Variants in GEMIN5 observed in about 807,000 individuals in gnomAD.
GEMIN5 encodes the protein gem nuclear organelle associated protein 5, also known as gem-associated protein 5.
A neutral mutation model predicts 176.9 loss-of-function variants in GEMIN5; 124 were observed. The ratio of observed to expected loss-of-function variants is 0.70; its 90% CI spans 0.61 to 0.81. GEMIN5 has a LOEUF of 0.81. Ranked by LOEUF, GEMIN5 falls within the 40% of genes least tolerant of loss-of-function variation. The pLI is 0.00. For synonymous variants in GEMIN5, 673 were observed against 665.2 expected, an observed-to-expected ratio of 1.01 and a Z score of -0.18; for missense variants, 1,843 against 1,814.6, an observed-to-expected ratio of 1.02 and a Z score of -0.28.
At chr5:154,927,819 G>T (rs112384346) in intron 6 of GEMIN5, among the ~76,000 whole-genome samples, 2 of 151,976 alleles carry the variant, frequency 1.3e-5, no homozygotes, top group Non-Finnish European at 2.9e-5. Context: ...AAGTGAGACC[G>T]TCCCTACAAA....
intron 3 of GEMIN5, among the ~76,000 whole-genome samples, chr5:154,932,859 C>G (rs1339953549): frequency 6.6e-6 from 1 of 152,178 alleles, no homozygotes; most frequent in African/African-American, 2.4e-5. Flanking sequence ...GCCACCACAC[C>G]CGGCCAACTC....
Position 154,937,098 on chromosome 5 carries a change from C to T in GEMIN5, c.254G>A (p.Ser85Asn). The change falls in exon 2 of 28, where the codon AGC (serine) becomes AAC (asparagine). Residue 85 changes from serine to asparagine, a missense_variant. Coordinates refer to ENST00000285873, the MANE Select transcript of GEMIN5 (RefSeq NM_015465.5). ...TATTTTCACAGTCCCATCGTCGGAG[C>T]TGGTGGCACAGAGGTTGTACTGACC... ...HPGQYNLCATSSDDGTVKIWD... is the reference protein window; with the variant it reads ...HPGQYNLCATNSDDGTVKIWD... 6.2e-7 allele frequency: 1 copy of T among 1,613,936 alleles called. No homozygotes were observed. The highest frequency in any genetic ancestry group is 8.5e-7 in the Non-Finnish European group (1 of 1,179,792).
intron 11 of GEMIN5, among the ~76,000 whole-genome samples, chr5:154,918,388 C>T (rs1305004545): frequency 6.6e-6 from 1 of 152,198 alleles, no homozygotes; most frequent in Non-Finnish European, 1.5e-5. Context: ...TTCCCTGAAT[C>T]ATTTCCCTCC....
Position 154,907,703 on chromosome 5 carries a change from AT to A in GEMIN5, c.2282del (p.Asn761MetfsTer6), listed in dbSNP as rs772366987. ...AGTTCTCCTTCATGCTTTCTTCTTCATTTCCATCAATCGATTCCAGCTTTAC... is the reference window on the plus strand; with the variant it reads ...AGTTCTCCTTCATGCTTTCTTCTTCATTCCATCAATCGATTCCAGCTTTAC... ...TPVKLESIDG[N>X]EEESMKENSG... On this transcript the variant is annotated frameshift_variant, in exon 16 of 28. Transcript: ENST00000285873. LOFTEE classifies it high-confidence loss of function. 5 of 1,614,008 alleles carry A rather than the reference AT, an allele frequency of 3.1e-6. No individual in the cohort carries two copies.
At position 154,937,012 on chromosome 5, in the gene GEMIN5, T is replaced by G; in HGVS notation, c.327+13A>C. 1 of 1,600,870 alleles carries G rather than the reference T, an allele frequency of 6.2e-7. No individual in the cohort carries two copies. Among genetic ancestry groups the G allele is most frequent in the African/African-American group, 1.3e-5 (1 of 74,668 alleles). ...AGATAAAAACGGTTTGAGAAACCAG[T>G]AAGCCATGGTACCTGATGGAGTGCA... On this transcript the variant is annotated intron_variant, in intron 2 of 27. Coordinates refer to ENST00000285873, the MANE Select transcript of GEMIN5 (RefSeq NM_015465.5).
chr5:154,902,795 G>A (rs1763491865), intron 19 of GEMIN5, 119 bp from the exon 20 acceptor site: 11 of 1,015,508 alleles, frequency 1.1e-5, no homozygotes, highest in Non-Finnish European at 1.3e-5. Flanking sequence ...GTCATTCTCT[G>A]ATGGGTGTCA....
chr5:154,887,712 A>G lies in GEMIN5; in HGVS notation c.*498T>C, dbSNP rs918424970. The G allele has an allele frequency of 1.3e-5, 2 of 153,252 alleles. No homozygotes were observed. Among genetic ancestry groups the G allele is most frequent in the African/African-American group, 2.4e-5 (1 of 41,474 alleles). The allele number at this position is 153,252 out of a possible 1,614,324, so 9.5% of individuals were successfully genotyped here. ...TTTCATATTCAAACTTCAGTCTATG[A>G]AAGAGTAGAGAGAGAAGGGTCTCCT... is the stretch of plus-strand genomic sequence containing the variant. On this transcript the variant is annotated 3_prime_UTR_variant, in exon 28 of 28. Transcript: ENST00000285873.
intron 20 of GEMIN5, 83 bp from the exon 21 acceptor site, chr5:154,901,569 C>T: frequency 7.5e-7 from 1 of 1,339,754 alleles, no homozygotes; most frequent in East Asian, 2.3e-5. Flanking sequence ...TTGAAAAAGC[C>T]TTGTTTTCGT....
intron 10 of GEMIN5, among the ~76,000 whole-genome samples, 180 bp downstream of exon 10, chr5:154,921,163 C>G (rs557846149): frequency 6.6e-6 from 1 of 152,262 alleles, no homozygotes; most frequent in East Asian, 1.9e-4. Flanking sequence ...AATGGTTTCT[C>G]CCAGGAACTG....
At chr5:154,907,499 G>A in intron 16 of GEMIN5, 92 bp downstream of exon 16, 2 of 809,506 alleles carry the variant, frequency 2.5e-6, no homozygotes, top group South Asian at 1.7e-5. Context: ...GGAAAAATGG[G>A]AACAGCGAAG....
rs185039459 is a variant in GEMIN5 at position 154,927,237 on chromosome 5, T to C, written c.1080+148A>G. 53 of 510,482 alleles carry C rather than the reference T, an allele frequency of 1.0e-4. No homozygotes were observed. In the East Asian group the frequency reaches 1.5e-3, roughly 14 times the overall value. 31.6% of individuals were successfully genotyped at this position (510,482 alleles called of 1,614,324 possible). On this transcript the variant is annotated intron_variant, in intron 7 of 27. Transcript: ENST00000285873. ...TCTCCTTACATGTGAGCTATTGATA[T>C]ATTCAGTGCTGATCTGTAGCAGTAA...
At chr5:154,900,217 T>C (rs540917560) in intron 21 of GEMIN5, among the ~76,000 whole-genome samples, 51 of 152,346 alleles carry the variant, frequency 3.3e-4, no homozygotes, top group African/African-American at 1.1e-3. Context: ...TAAGATATGT[T>C]AACATTTGGA....
chr5:154,894,741 A>G (rs1430589695), intron 24 of GEMIN5, among the ~76,000 whole-genome samples: 2 of 152,110 alleles, frequency 1.3e-5, no homozygotes, highest in Non-Finnish European at 1.5e-5. Context: ...CCCTGTCTCT[A>G]CTAAAAATAC....
At chr5:154,913,113 C>T (rs1763737550) in intron 13 of GEMIN5, 75 bp from the exon 14 acceptor site, 1 of 1,215,960 alleles carries the variant, frequency 8.2e-7, no homozygotes, top group South Asian at 1.5e-5. Context: ...TCCAGGAAGG[C>T]ATTCACATGA....
chr5:154,893,938 T>C (rs1032840610), intron 24 of GEMIN5, among the ~76,000 whole-genome samples: 1 of 152,098 alleles, frequency 6.6e-6, no homozygotes, highest in African/African-American at 2.4e-5. Flanking sequence ...TGGCAGTAAT[T>C]TGTTCCTTTT....
chr5:154,912,439 G>T (rs780290963), intron 14 of GEMIN5, among the ~76,000 whole-genome samples: 1 of 152,186 alleles, frequency 6.6e-6, no homozygotes, highest in Non-Finnish European at 1.5e-5. Context: ...TAAGTCCCCA[G>T]CTCTAGTTCT....
chr5:154,936,541 C>T (rs1262374133), intron 2 of GEMIN5, among the ~76,000 whole-genome samples: 2 of 152,156 alleles, frequency 1.3e-5, no homozygotes, highest in Non-Finnish European at 2.9e-5. Flanking sequence ...TTTTAAATAG[C>T]TTAATGCAAA....
intron 9 of GEMIN5, 60 bp from the exon 10 acceptor site, chr5:154,921,485 AC>A: frequency 1.3e-6 from 1 of 758,774 alleles, no homozygotes. Flanking sequence ...ATAATGAAAA[AC>A]AGACCATCTT....
chr5:154,905,335 T>C, intron 17 of GEMIN5, 28 bp downstream of exon 17: 1 of 1,092,910 alleles, frequency 9.1e-7, no homozygotes, highest in East Asian at 2.4e-5. Context: ...TTTAACAAAA[T>C]ACTGTATTTT....
Sources: gnomAD v4.1 joint callset for allele counts (sites outside exome capture counted in the v4.1 genomes callset) on GRCh38, gnomAD v4.1.1 for gene constraint, MANE v1.5 for transcripts, NCBI Gene and HGNC (gene_info 2026-07-23, HGNC 2026-07-21) for gene names.